ARHGAP35: variants seen among roughly 807,000 people sequenced by gnomAD.
The protein encoded by ARHGAP35 is rho GTPase-activating protein 35.
ARHGAP35 carries 15 observed loss-of-function variants against 111.1 expected under a neutral mutation model. The observed-to-expected ratio is 0.13, with a 90% CI of 0.09 to 0.21. The LOEUF (loss-of-function observed/expected upper bound fraction) is 0.21. Among genes scored for constraint, ARHGAP35 ranks in the 10% least tolerant of loss-of-function variants. The probability of loss-of-function intolerance (pLI) is 1.00; values close to 1 mark genes in which losing one functional copy is unlikely to be tolerated. For synonymous variants in ARHGAP35, 643 were observed against 710.3 expected, an observed-to-expected ratio of 0.91 and a Z score of 1.51; for missense variants, 1,262 against 1,873.0, an observed-to-expected ratio of 0.67 and a Z score of 6.02.
chr19:46,921,594 A>C lies in ARHGAP35; in HGVS notation c.2919A>C (p.Ala973=), dbSNP rs181564060. The C allele has an allele frequency of 6.2e-7, 1 of 1,613,980 alleles. No individual in the cohort carries two copies. The highest frequency in any genetic ancestry group is 8.5e-7 in the Non-Finnish European group (1 of 1,179,878). The change falls in exon 2 of 7, where the codon GCA becomes GCC. Residue 973 remains alanine, a synonymous_variant. Transcript: ENST00000672722. The surrounding 1 kb of genome is among the most constrained non-coding windows in gnomAD (Gnocchi z 4.3). ...TTEEVFNSPR[A]GSPLCNSNLQ... ...AAGAGGTGTTTAACTCCCCCCGGGC[A>C]GGATCACCGCTCTGCAACTCAAACC...
intron 5 of ARHGAP35, among the ~76,000 whole-genome samples, chr19:46,995,213 G>A (rs971550891): frequency 1.3e-5 from 2 of 152,130 alleles, no homozygotes; most frequent in Non-Finnish European, 2.9e-5. Context: ...TCAGGAGTTC[G>A]AGACCAGCCT....
chr19:46,916,766 C>CA (rs2056166786), intron 1 of ARHGAP35, among the ~76,000 whole-genome samples: 1 of 151,662 alleles, frequency 6.6e-6, no homozygotes, highest in South Asian at 2.1e-4. Context: ...AACAATTTAC[C>CA]ACCCCATTTG....
At position 46,927,011 on chromosome 19, in the gene ARHGAP35, ACT is replaced by A. The variant is rs1335874462; in HGVS notation, c.3681+4659_3681+4660del. On this transcript the variant is annotated intron_variant, in intron 2 of 6. Coordinates refer to ENST00000672722, the MANE Select transcript of ARHGAP35 (RefSeq NM_004491.5). ...GCTCTTTGTAACCTGCCTAGGAAAG[ACT>A]CTCAGTGTGTGCTTCAGAAATAGTC... Among the ~76,000 whole-genome samples the A allele has an allele frequency of 9.9e-5, 15 of 152,136 alleles. No individual in the cohort carries two copies. The East Asian group carries it at 1.7e-3, about 18-fold the overall frequency.
chr19:46,991,355 T>C (rs533003707), intron 5 of ARHGAP35, among the ~76,000 whole-genome samples: 34 of 152,358 alleles, frequency 2.2e-4, no homozygotes, highest in African/African-American at 7.5e-4. Context: ...CGTGAAATCC[T>C]GCCACCCGGC....
At chr19:46,942,757 A>G (rs149123151) in intron 3 of ARHGAP35, among the ~76,000 whole-genome samples, 1 of 149,054 alleles carries the variant, frequency 6.7e-6, no homozygotes, top group African/African-American at 2.5e-5. Context: ...CCAAGGCTGC[A>G]CTGAGCTCTG....
intron 3 of ARHGAP35, among the ~76,000 whole-genome samples, chr19:46,977,380 C>T (rs1211628781): frequency 6.6e-6 from 1 of 152,236 alleles, no homozygotes; most frequent in East Asian, 1.9e-4. Context: ...GTTGGATGCT[C>T]CAGCCGCTTA....
chr19:46,978,258 A>G (rs1027593244), intron 3 of ARHGAP35, among the ~76,000 whole-genome samples: 1 of 152,178 alleles, frequency 6.6e-6, no homozygotes, highest in Non-Finnish European at 1.5e-5. Flanking sequence ...TTCTTAGGGA[A>G]GAGAGGCCAG....
chr19:46,869,685 G>A (rs920597655), intron 1 of ARHGAP35, among the ~76,000 whole-genome samples: 4 of 152,006 alleles, frequency 2.6e-5, no homozygotes, highest in African/African-American at 2.4e-5. Flanking sequence ...TCTTTGTTCA[G>A]TAACAAATTG....
chr19:46,962,673 C>T (rs2056491149), intron 3 of ARHGAP35, among the ~76,000 whole-genome samples: 1 of 152,180 alleles, frequency 6.6e-6, no homozygotes, highest in Admixed American at 6.5e-5. Context: ...GTGGTGCGAT[C>T]TTGGCTCATT....
chr19:46,964,438 C>T (rs929319425), intron 3 of ARHGAP35, among the ~76,000 whole-genome samples: 3 of 149,030 alleles, frequency 2.0e-5, no homozygotes, highest in South Asian at 2.2e-4. Flanking sequence ...AAATATGTTT[C>T]GTAGAGATGG....
At chr19:46,864,186 T>G (rs2055843589) in intron 1 of ARHGAP35, among the ~76,000 whole-genome samples, 1 of 152,224 alleles carries the variant, frequency 6.6e-6, no homozygotes, top group Admixed American at 6.5e-5. Context: ...GGATTTTTAG[T>G]CTTATTATCT....
chr19:46,914,321 G>A (rs1025270161), intron 1 of ARHGAP35, among the ~76,000 whole-genome samples: 2 of 152,118 alleles, frequency 1.3e-5, no homozygotes, highest in African/African-American at 2.4e-5. Context: ...AATAACAGTC[G>A]TGGCTGGGCA....
intron 1 of ARHGAP35, among the ~76,000 whole-genome samples, chr19:46,903,587 G>A (rs1047478175): frequency 1.3e-5 from 2 of 152,202 alleles, no homozygotes; most frequent in African/African-American, 4.8e-5. Context: ...AGGTCAAGGT[G>A]ACTTCCTCTA....
intron 2 of ARHGAP35, among the ~76,000 whole-genome samples, chr19:46,928,141 T>A (rs572504083): frequency 6.6e-6 from 1 of 152,324 alleles, no homozygotes; most frequent in Admixed American, 6.5e-5. Flanking sequence ...CAGTTTATTT[T>A]AAGCCTGAAG....
chr19:46,879,972 G>A (rs1359990812), intron 1 of ARHGAP35, among the ~76,000 whole-genome samples: 1 of 151,516 alleles, frequency 6.6e-6, no homozygotes. Flanking sequence ...TGTAATCCCA[G>A]AAACTTGGGA....
In ARHGAP35 at chr19:46,920,690, C is replaced by T. The variant is rs1484475744; in HGVS notation, c.2015C>T (p.Ser672Phe). ...CTTTACAATTCAAAGGAATCGCTAT[C>T]CTATGTAGTGGAAAGTATAGAGAAG... ...LCLYNSKESL[S>F]YVVESIEKSR... The change falls in exon 2 of 7, where the codon TCC (serine) becomes TTC (phenylalanine). Residue 672 changes from serine (S) to phenylalanine (F), a missense_variant. Coordinates refer to ENST00000672722, the MANE Select transcript of ARHGAP35 (RefSeq NM_004491.5). The surrounding 1 kb of genome is among the most constrained non-coding windows in gnomAD (Gnocchi z 7.0). 1.9e-6 allele frequency: 3 copies of T among 1,613,818 alleles called. No individual in the cohort carries two copies. In the African/African-American group the frequency reaches 4.0e-5, roughly 22 times the overall value.
chr19:46,893,007 C>T (rs762168851), intron 1 of ARHGAP35, among the ~76,000 whole-genome samples: 2 of 152,156 alleles, frequency 1.3e-5, no homozygotes, highest in African/African-American at 2.4e-5. Context: ...CTCTCATCTT[C>T]GGATCCTTCA....
rs570123251 is a variant in ARHGAP35 at position 46,989,935 on chromosome 19, G to A, written c.4036+260G>A. Among the ~76,000 whole-genome samples, 11 of 152,302 alleles carry A rather than the reference G, an allele frequency of 7.2e-5. No homozygotes were observed. The highest frequency in any genetic ancestry group is 2.1e-4 in the South Asian group (1 of 4,822). On this transcript the variant is annotated intron_variant, in intron 5 of 6. Transcript: ENST00000672722. This position sits in a 1 kb window ranked among gnomAD's most constrained non-coding sequence, Gnocchi z 5.3. ...TCTCATTAGTTAAGAGCATGGTTTC[G>A]GTGTCAGACTTGGCTCCTTCGCTTG...
At chr19:46,875,977 ACT>A (rs1414669051) in intron 1 of ARHGAP35, among the ~76,000 whole-genome samples, 1 of 151,680 alleles carries the variant, frequency 6.6e-6, no homozygotes, top group Non-Finnish European at 1.5e-5. Context: ...GGCCTCCGTT[ACT>A]CTTTTTCTCA....
Sources: gnomAD v4.1 joint callset for allele counts (sites outside exome capture counted in the v4.1 genomes callset) on GRCh38, gnomAD v4.1.1 for gene constraint, Gnocchi (gnomAD v3.1) non-coding constraint, MANE v1.5 for transcripts, NCBI Gene and HGNC (gene_info 2026-07-23, HGNC 2026-07-21) for gene names.